UNC13C: variants seen among roughly 807,000 people sequenced by gnomAD.
UNC13C encodes the protein protein unc-13 homolog C.
Under a neutral mutation model 245.4 loss-of-function variants are expected in UNC13C, and 174 were observed. That is an observed-to-expected ratio of 0.71 (90% confidence interval 0.63 to 0.80). The LOEUF (loss-of-function observed/expected upper bound fraction) is 0.80. Among genes scored for constraint, UNC13C ranks in the 30% least tolerant of loss-of-function variants. UNC13C has a pLI of 0.00. For missense variants in UNC13C, 2,829 were observed against 2,602.9 expected, an observed-to-expected ratio of 1.09 and a Z score of -1.89; for synonymous variants, 992 against 895.1, an observed-to-expected ratio of 1.11 and a Z score of -1.93.
chr15:54,489,437 G>T (rs1207883037), intron 19 of UNC13C, among the ~76,000 whole-genome samples: 1 of 152,180 alleles, frequency 6.6e-6, no homozygotes, highest in Non-Finnish European at 1.5e-5. Context: ...GTCAGCTAGA[G>T]TTACACTGAT....
intron 2 of UNC13C, among the ~76,000 whole-genome samples, chr15:54,121,228 C>T (rs1282797151): frequency 6.6e-6 from 1 of 152,156 alleles, no homozygotes; most frequent in African/African-American, 2.4e-5. Context: ...TCACCTCACA[C>T]TTCAACAACC....
At chr15:53,957,117 A>G in the UNC13C span, among the ~76,000 whole-genome samples, 1 of 149,228 alleles carries the variant, frequency 6.7e-6, no homozygotes, top group Non-Finnish European at 1.5e-5. Context: ...GAGAATTTTC[A>G]GAAATGGGAA....
intron 2 of UNC13C, among the ~76,000 whole-genome samples, chr15:54,091,019 T>C (rs1354599523): frequency 2.3e-5 from 3 of 132,882 alleles, no homozygotes; most frequent in Non-Finnish European, 4.7e-5. Context: ...CTGAATGTCA[T>C]CCCAAAAAGC....
At chr15:53,895,299 G>C in the UNC13C span, among the ~76,000 whole-genome samples, 1 of 146,780 alleles carries the variant, frequency 6.8e-6, no homozygotes, top group Non-Finnish European at 1.5e-5. Flanking sequence ...AGGAGTCGGA[G>C]GTTGCCACTG....
chr15:54,414,475 C>A (rs531739882), intron 18 of UNC13C, among the ~76,000 whole-genome samples: 69 of 152,202 alleles, frequency 4.5e-4, no homozygotes, highest in African/African-American at 1.5e-3. Flanking sequence ...TAGTGAAACC[C>A]TGTCTCTACT....
chr15:54,021,553 T>C (rs576150586), intron 2 of UNC13C, among the ~76,000 whole-genome samples: 5 of 152,358 alleles, frequency 3.3e-5, no homozygotes, highest in African/African-American at 1.2e-4. Context: ...TAGTGTTCCA[T>C]TGTGTGTACA....
At chr15:54,140,042 A>T (rs1434236684) in intron 2 of UNC13C, among the ~76,000 whole-genome samples, 1 of 152,100 alleles carries the variant, frequency 6.6e-6, no homozygotes, top group Non-Finnish European at 1.5e-5. Flanking sequence ...TTAATCTATT[A>T]TTTTGCCAGG....
chr15:54,105,320 A>T (rs1171009732), intron 2 of UNC13C, among the ~76,000 whole-genome samples: 4 of 152,088 alleles, frequency 2.6e-5, no homozygotes, highest in African/African-American at 9.7e-5. Flanking sequence ...ATGGTCAATT[A>T]TTCTCTTGCT....
intron 7 of UNC13C, among the ~76,000 whole-genome samples, chr15:54,242,943 T>C (rs1210404132): frequency 6.6e-6 from 1 of 152,206 alleles, no homozygotes; most frequent in Admixed American, 6.6e-5. Context: ...TCCTCACCTT[T>C]GTTTTATAAA....
At chr15:54,175,485 A>G (rs2033575653) in intron 4 of UNC13C, among the ~76,000 whole-genome samples, 1 of 150,206 alleles carries the variant, frequency 6.7e-6, no homozygotes, top group African/African-American at 2.5e-5. Flanking sequence ...TGTTCCCAAA[A>G]ACACTGTTGT....
At chr15:54,364,179 A>T (rs915984058) in intron 17 of UNC13C, among the ~76,000 whole-genome samples, 2 of 152,202 alleles carry the variant, frequency 1.3e-5, no homozygotes, top group Non-Finnish European at 2.9e-5. Context: ...GTAGAAAAAT[A>T]AATCCATGTG....
At chr15:53,900,206 T>C in the UNC13C span, among the ~76,000 whole-genome samples, 1 of 152,022 alleles carries the variant, frequency 6.6e-6, no homozygotes, top group African/African-American at 2.4e-5. Flanking sequence ...TATAATTTTT[T>C]AGTATTAAAA....
At chr15:54,139,071 T>G (rs2031886747) in intron 2 of UNC13C, among the ~76,000 whole-genome samples, 1 of 147,992 alleles carries the variant, frequency 6.8e-6, no homozygotes, top group African/African-American at 2.5e-5. Context: ...GCGATTCTTG[T>G]GCCTCAGCCT....
intron 19 of UNC13C, among the ~76,000 whole-genome samples, chr15:54,479,441 T>A (rs1288163183): frequency 6.6e-6 from 1 of 152,134 alleles, no homozygotes; most frequent in Non-Finnish European, 1.5e-5. Context: ...TTTAATTCCT[T>A]CACATTCAGT....
At chr15:54,344,761 A>G (rs2038821480) in intron 17 of UNC13C, among the ~76,000 whole-genome samples, 1 of 152,142 alleles carries the variant, frequency 6.6e-6, no homozygotes, top group Non-Finnish European at 1.5e-5. Context: ...TCAAATTCTA[A>G]TTATTTAGTT....
At chr15:54,475,696 C>G (rs201489085) in intron 19 of UNC13C, among the ~76,000 whole-genome samples, 4,287 of 143,686 alleles carry the variant, frequency 0.03, 183 homozygotes, top group Admixed American at 0.12. Context: ...TTTTCTTAAT[C>G]CAGTCTATCA....
chr15:54,551,922 C>T (rs1341195873), intron 28 of UNC13C, among the ~76,000 whole-genome samples: 2 of 151,264 alleles, frequency 1.3e-5, no homozygotes, highest in African/African-American at 4.9e-5. Context: ...GAATGTCACT[C>T]CCATTTAAAA....
At chr15:54,243,119 T>G (rs906016970) in intron 7 of UNC13C, among the ~76,000 whole-genome samples, 1 of 152,060 alleles carries the variant, frequency 6.6e-6, no homozygotes, top group Non-Finnish European at 1.5e-5. Flanking sequence ...CTATTCTTCC[T>G]GATGCTCTCC....
chr15:54,244,904 T>A (rs2035952465), intron 7 of UNC13C, among the ~76,000 whole-genome samples: 1 of 152,192 alleles, frequency 6.6e-6, no homozygotes, highest in African/African-American at 2.4e-5. Context: ...TAGGATTATG[T>A]CCTCTGCAAA....
Sources: allele counts gnomAD v4.1 joint callset (sites outside exome capture counted in the v4.1 genomes callset), GRCh38; gene constraint gnomAD v4.1.1; transcripts MANE v1.5; gene names NCBI Gene and HGNC (gene_info 2026-07-23, HGNC 2026-07-21).